FBXL17: variants seen among roughly 807,000 people sequenced by gnomAD.
FBXL17 encodes F-box/LRR-repeat protein 17.
A neutral mutation model predicts 66.2 loss-of-function variants in FBXL17; 22 were observed. The observed-to-expected ratio is 0.33, with a 90% confidence interval of 0.24 to 0.47. The LOEUF is 0.47. FBXL17 is among the 20% of genes least tolerant of loss of function. The pLI is 1.00. For missense variants in FBXL17, 878 were observed against 948.2 expected, an observed-to-expected ratio of 0.93 and a Z score of 0.97; for synonymous variants, 474 against 400.5, an observed-to-expected ratio of 1.18 and a Z score of -2.19.
At position 108,218,659 on chromosome 5, in the gene FBXL17, T is replaced by C. The variant is rs190178578; in HGVS notation, c.1614+5462A>G. On this transcript the variant is annotated intron_variant, in intron 5 of 8. Transcript: ENST00000542267. ...GGTGATATCTCATTGTGGTTTTAAT[T>C]TGCATTTCTCTGATGATTAGTGACA... Among the ~76,000 whole-genome samples, 69 of 151,774 alleles carry C rather than the reference T, an allele frequency of 4.5e-4. 1 individual carries two copies. The highest frequency in any genetic ancestry group is 1.7e-3 in the African/African-American group (69 of 41,496).
At position 108,196,713 on chromosome 5, in the gene FBXL17, ATCTGCAGC is replaced by A. The variant is rs1753694052; in HGVS notation, c.1615-10474_1615-10467del. On this transcript the variant is annotated intron_variant, in intron 5 of 8. Transcript: ENST00000542267. The stretch of plus-strand genomic sequence containing the variant: ...TTCTCTTAACTCCATCAAATGCAGG[ATCTGCAGC>A]TCTGCGGCTACATGCTTTTAAAGTT... 2.0e-5 allele frequency among the ~76,000 whole-genome samples: 3 copies of A among 152,218 alleles called. No individual in the cohort carries two copies. In the South Asian group the frequency reaches 6.2e-4, roughly 32 times the overall value.
chr5:108,070,490 A>G (rs289229), intron 6 of FBXL17, among the ~76,000 whole-genome samples: 7,121 of 152,312 alleles, frequency 0.047, 568 homozygotes, highest in African/African-American at 0.16. Context: ...GGTTTACTTA[A>G]TAAGGGTATA....
At chr5:107,912,425 C>A (rs1400653111) in intron 7 of FBXL17, among the ~76,000 whole-genome samples, 6 of 151,982 alleles carry the variant, frequency 3.9e-5, no homozygotes, top group Non-Finnish European at 8.8e-5. Context: ...TGTTTACCAA[C>A]ATGGGAATAT....
chr5:108,293,906 T>C (rs1040939180), intron 4 of FBXL17, among the ~76,000 whole-genome samples: 12 of 151,590 alleles, frequency 7.9e-5, no homozygotes, highest in Non-Finnish European at 1.6e-4. Flanking sequence ...CCAGGCATGG[T>C]GGCACATGCC....
intron 4 of FBXL17, among the ~76,000 whole-genome samples, chr5:108,277,067 A>C (rs1352970869): frequency 6.6e-6 from 1 of 152,182 alleles, no homozygotes; most frequent in Admixed American, 6.5e-5. Flanking sequence ...ACTTAAAATA[A>C]ATGCCATTCT....
intron 8 of FBXL17, 65 bp from the exon 9 acceptor site, chr5:107,861,925 C>G (rs1580661520): frequency 1.4e-6 from 2 of 1,389,072 alleles, no homozygotes; most frequent in East Asian, 5.4e-5. Context: ...TGCCCACGCT[C>G]ACTGATGTGC....
intron 4 of FBXL17, among the ~76,000 whole-genome samples, chr5:108,316,395 C>G (rs944703237): frequency 6.6e-6 from 1 of 151,282 alleles, no homozygotes; most frequent in Non-Finnish European, 1.5e-5. Flanking sequence ...TACTTCTGTT[C>G]TAGATTAAAT....
At chr5:107,975,024 C>A (rs1270126806) in intron 7 of FBXL17, among the ~76,000 whole-genome samples, 2 of 152,102 alleles carry the variant, frequency 1.3e-5, no homozygotes, top group Non-Finnish European at 2.9e-5. Flanking sequence ...CAAAAGCCTG[C>A]CCTAGACGAG....
intron 4 of FBXL17, among the ~76,000 whole-genome samples, chr5:108,339,506 A>C (rs998787757): frequency 7.4e-4 from 112 of 152,230 alleles, no homozygotes; most frequent in African/African-American, 2.5e-3. Context: ...TCTTAGAGAT[A>C]ATTTGTTTTG....
intron 6 of FBXL17, among the ~76,000 whole-genome samples, chr5:108,153,393 C>A (rs143688840): frequency 3.0e-4 from 46 of 152,308 alleles, no homozygotes; most frequent in Middle Eastern, 3.4e-3. Context: ...AGCAGGATAA[C>A]ACTGGATAAG....
At chr5:107,971,305 T>C (rs996683811) in intron 7 of FBXL17, among the ~76,000 whole-genome samples, 40 of 152,232 alleles carry the variant, frequency 2.6e-4, no homozygotes, top group Middle Eastern at 3.4e-3. Flanking sequence ...CTGGTACATT[T>C]TTACATGGGA....
intron 5 of FBXL17, among the ~76,000 whole-genome samples, chr5:108,189,602 C>T (rs148305452): frequency 9.3e-4 from 142 of 152,228 alleles, no homozygotes; most frequent in African/African-American, 3.0e-3. Context: ...TGAGTGTGGA[C>T]AGGACCCACG....
intron 7 of FBXL17, among the ~76,000 whole-genome samples, chr5:107,979,765 T>C (rs1264108385): frequency 1.3e-5 from 2 of 152,238 alleles, no homozygotes; most frequent in African/African-American, 2.4e-5. Context: ...ATATTCATCA[T>C]GAACCCTGAG....
At chr5:108,002,108 C>G (rs184013197) in intron 7 of FBXL17, among the ~76,000 whole-genome samples, 6 of 151,512 alleles carry the variant, frequency 4.0e-5, no homozygotes, top group Admixed American at 3.9e-4. Flanking sequence ...CTCCGCCTCC[C>G]GGATTCAAGG....
At position 108,009,284 on chromosome 5, in the gene FBXL17, T is replaced by TAGATAGATAGATAGATAG. The variant is rs1191647313; in HGVS notation, c.1822+11640_1822+11641insCTATCTATCTATCTATCT. Among the ~76,000 whole-genome samples, 40 of 24,556 alleles carry TAGATAGATAGATAGATAG rather than the reference T, an allele frequency of 1.6e-3. 5 individuals carry two copies. The highest frequency in any genetic ancestry group is 2.9e-3 in the Non-Finnish European group (32 of 11,130). 16.1% of individuals were successfully genotyped at this position (24,556 alleles called of 152,430 possible). On this transcript the variant is annotated intron_variant, in intron 7 of 8. Transcript: ENST00000542267. ...TTTTATATATATATATATATATATA[T>TAGATAGATAGATAGATAG]ATATATATATATATATACATATATA...
At chr5:108,100,283 GA>G (rs1335712315) in intron 6 of FBXL17, among the ~76,000 whole-genome samples, 2 of 152,004 alleles carry the variant, frequency 1.3e-5, no homozygotes, top group Non-Finnish European at 2.9e-5. Flanking sequence ...TGAACCATCA[GA>G]AAAAAGTTTT....
chr5:107,995,204 A>C (rs1753422551), intron 7 of FBXL17, among the ~76,000 whole-genome samples: 1 of 152,238 alleles, frequency 6.6e-6, no homozygotes, highest in Non-Finnish European at 1.5e-5. Context: ...CTCCTACACC[A>C]TTCTGCTATT....
intron 7 of FBXL17, among the ~76,000 whole-genome samples, chr5:107,958,112 C>T (rs1249999137): frequency 6.7e-6 from 1 of 149,152 alleles, no homozygotes; most frequent in Non-Finnish European, 1.5e-5. Context: ...TATGAGTCAA[C>T]TTTGGTACAC....
intron 6 of FBXL17, among the ~76,000 whole-genome samples, chr5:108,145,306 T>C (rs553208195): frequency 2.4e-4 from 36 of 152,182 alleles, no homozygotes; most frequent in African/African-American, 8.7e-4. Flanking sequence ...TAAAAGTAAA[T>C]GAGTAGAGAT....
Sources: allele counts gnomAD v4.1 joint callset (sites outside exome capture counted in the v4.1 genomes callset), GRCh38; gene constraint gnomAD v4.1.1; transcripts MANE v1.5; gene names NCBI Gene and HGNC (gene_info 2026-07-23, HGNC 2026-07-21).